The following ZNF423 variants were observed in gnomAD, a reference collection of about 807,000 sequenced individuals.
ZNF423 encodes zinc finger protein 423.
Under a neutral mutation model 95.8 loss-of-function variants are expected in ZNF423, and 12 were observed. The observed-to-expected ratio is 0.13, with a 90% CI of 0.08 to 0.20. The LOEUF (loss-of-function observed/expected upper bound fraction) is 0.20. Among genes scored for constraint, ZNF423 ranks in the 10% least tolerant of loss-of-function variants. ZNF423 has a pLI of 1.00. For missense variants in ZNF423, 1,316 were observed against 1,737.1 expected, an observed-to-expected ratio of 0.76 and a Z score of 4.31; for synonymous variants, 749 against 711.9, an observed-to-expected ratio of 1.05 and a Z score of -0.83.
At chr16:49,677,768 A>AAGAGAG (rs371974425) in intron 3 of ZNF423, among the ~76,000 whole-genome samples, 59 of 147,742 alleles carry the variant, frequency 4.0e-4, no homozygotes, top group African/African-American at 1.4e-3. Flanking sequence ...AAAAAAAAAA[A>AAGAGAG]AGAGAGAGAG....
At chr16:49,666,469 A>G (rs1354451130) in intron 3 of ZNF423, among the ~76,000 whole-genome samples, 1 of 152,276 alleles carries the variant, frequency 6.6e-6, no homozygotes. Flanking sequence ...ACACGTAGTT[A>G]TAAGTGAACA....
chr16:49,821,736 C>A (rs567831789), intron 1 of ZNF423, among the ~76,000 whole-genome samples: 1 of 152,272 alleles, frequency 6.6e-6, no homozygotes, highest in Non-Finnish European at 1.5e-5. Context: ...TTCCCTCCCC[C>A]GGTGTGTGCG....
intron 3 of ZNF423, among the ~76,000 whole-genome samples, chr16:49,706,737 G>A (rs1041447076): frequency 1.3e-5 from 2 of 152,202 alleles, no homozygotes; most frequent in African/African-American, 4.8e-5. Context: ...AACATCACCC[G>A]AAGGTCTTCT....
At chr16:49,716,749 C>A (rs886101883) in intron 3 of ZNF423, among the ~76,000 whole-genome samples, 1 of 152,156 alleles carries the variant, frequency 6.6e-6, no homozygotes, top group African/African-American at 2.4e-5. Context: ...TCCTCCTGAT[C>A]GCCCCTCTGA....
intron 4 of ZNF423, among the ~76,000 whole-genome samples, chr16:49,626,786 CTACCCATCCATCCATA>C (rs1262844161): frequency 2.6e-5 from 4 of 151,176 alleles, no homozygotes; most frequent in Non-Finnish European, 4.4e-5. Flanking sequence ...CATCCTCCAT[CTACCCATCCATCCATA>C]TACCCATCCA....
At chr16:49,840,325 T>C (rs1312793513) in intron 1 of ZNF423, among the ~76,000 whole-genome samples, 1 of 152,160 alleles carries the variant, frequency 6.6e-6, no homozygotes. Context: ...AGAAAACTTT[T>C]CTCTTTTTGG....
chr16:49,848,355 C>T (rs888494798), intron 1 of ZNF423, among the ~76,000 whole-genome samples: 1 of 152,176 alleles, frequency 6.6e-6, no homozygotes, highest in African/African-American at 2.4e-5. Flanking sequence ...ACAAAGGCTC[C>T]CCAGCATAAT....
chr16:49,720,563 G>A (rs1421324734), intron 3 of ZNF423, among the ~76,000 whole-genome samples: 1 of 152,204 alleles, frequency 6.6e-6, no homozygotes, highest in Non-Finnish European at 1.5e-5. Flanking sequence ...GACTGGTTCT[G>A]CCATTGTTTC....
chr16:49,633,389 T>C (rs1319282464), intron 4 of ZNF423, among the ~76,000 whole-genome samples: 1 of 152,116 alleles, frequency 6.6e-6, no homozygotes, highest in Non-Finnish European at 1.5e-5. Context: ...GTCACAATGG[T>C]TCACAAATGA....
At chr16:49,799,258 A>G (rs1170245610) in intron 1 of ZNF423, among the ~76,000 whole-genome samples, 1 of 152,198 alleles carries the variant, frequency 6.6e-6, no homozygotes, top group African/African-American at 2.4e-5. Context: ...GCTCCAGGGA[A>G]ACATGCAATC....
At chr16:49,744,431 A>G (rs1236877620) in intron 2 of ZNF423, among the ~76,000 whole-genome samples, 2 of 138,816 alleles carry the variant, frequency 1.4e-5, no homozygotes, top group South Asian at 2.4e-4. Flanking sequence ...GGCCAGGTGG[A>G]GTGTCCCCAG....
chr16:49,512,452 A>G (rs1476265744), intron 7 of ZNF423, among the ~76,000 whole-genome samples: 3 of 152,252 alleles, frequency 2.0e-5, no homozygotes, highest in African/African-American at 7.2e-5. Flanking sequence ...AAGCAAGAGA[A>G]TGCCGGTGAC....
chr16:49,593,295 G>A (rs1264637152), intron 5 of ZNF423, among the ~76,000 whole-genome samples: 1 of 152,124 alleles, frequency 6.6e-6, no homozygotes, highest in South Asian at 2.1e-4. Context: ...ATTAGCCAGG[G>A]GTGGTGGCAC....
At chr16:49,689,757 G>A (rs1010085716) in intron 3 of ZNF423, among the ~76,000 whole-genome samples, 5 of 152,188 alleles carry the variant, frequency 3.3e-5, no homozygotes, top group Non-Finnish European at 7.3e-5. Context: ...GAACAGGCAG[G>A]TGGTACCTGA....
At position 49,518,962 on chromosome 16, in the gene ZNF423, G is replaced by A. The variant is rs183777318; in HGVS notation, c.3849+4662C>T. On this transcript the variant is annotated intron_variant, in intron 7 of 7. Coordinates refer to ENST00000563137, the MANE Select transcript of ZNF423 (RefSeq NM_001379286.1). ...ACCTATAGTCCCAGCCACTCAGGAAGCTGAGGTGAAAGGATGACATGAGCC... is the reference window on the plus strand; with the variant it reads ...ACCTATAGTCCCAGCCACTCAGGAAACTGAGGTGAAAGGATGACATGAGCC... Among the ~76,000 whole-genome samples, 16 of 152,336 alleles carry A rather than the reference G, an allele frequency of 1.1e-4. No individual in the cohort carries two copies. In the East Asian group the frequency reaches 2.3e-3, roughly 22 times the overall value.
chr16:49,856,723 G>T (rs1297286866), upstream of ZNF423, among the ~76,000 whole-genome samples: 1 of 147,958 alleles, frequency 6.8e-6, no homozygotes, highest in East Asian at 2.0e-4. Flanking sequence ...CGGCAGGCGC[G>T]CCCGTGCCCC....
chr16:49,771,801 G>A (rs2034040035), intron 2 of ZNF423, among the ~76,000 whole-genome samples: 1 of 152,122 alleles, frequency 6.6e-6, no homozygotes, highest in South Asian at 2.1e-4. Context: ...AAATTACCCA[G>A]TCTTGGGTAT....
chr16:49,825,174 AC>A (rs1295175170), intron 1 of ZNF423, among the ~76,000 whole-genome samples: 2 of 152,152 alleles, frequency 1.3e-5, no homozygotes, highest in African/African-American at 4.8e-5. Flanking sequence ...TGATCACTTA[AC>A]AGCAAGAATG....
At chr16:49,616,864 T>TATC (rs1160734339) in intron 5 of ZNF423, among the ~76,000 whole-genome samples, 2 of 152,136 alleles carry the variant, frequency 1.3e-5, no homozygotes, top group Admixed American at 6.5e-5. Context: ...ACTGGGACTC[T>TATC]ATCATCATCA....
Sources: gnomAD v4.1 joint callset for allele counts (sites outside exome capture counted in the v4.1 genomes callset) on GRCh38, gnomAD v4.1.1 for gene constraint, MANE v1.5 for transcripts, NCBI Gene and HGNC (gene_info 2026-07-23, HGNC 2026-07-21) for gene names.